The following DPP6 variants were observed in gnomAD, a reference collection of about 807,000 sequenced individuals.
DPP6 encodes the protein dipeptidyl peptidase like 6.
Under a neutral mutation model 122.6 loss-of-function variants are expected in DPP6, and 69 were observed. The ratio of observed to expected loss-of-function variants is 0.56; its 90% CI spans 0.46 to 0.69. The LOEUF is 0.69. Ranked by LOEUF, DPP6 falls within the 30% of genes least tolerant of loss-of-function variation. The pLI is 0.00. For synonymous variants in DPP6, 418 were observed against 433.1 expected (o/e 0.97, Z 0.43); for missense variants, 928 against 1,116.9 (o/e 0.83, Z 2.41).
At chr7:154,073,999 CTATGTATGTATGTATG>C (rs541968723) in intron 1 of DPP6, among the ~76,000 whole-genome samples, 25 of 148,944 alleles carry the variant, frequency 1.7e-4, no homozygotes, top group Middle Eastern at 3.4e-3. Flanking sequence ...AAATATATAT[CTATGTATGTATGTATG>C]TATGTATGTA....
chr7:154,772,571 C>T (rs1796310444), intron 9 of DPP6, among the ~76,000 whole-genome samples: 1 of 152,180 alleles, frequency 6.6e-6, no homozygotes, highest in East Asian at 1.9e-4. Flanking sequence ...AAGCAAGGGG[C>T]TCAGTACTCA....
At chr7:153,841,243 T>TA in the DPP6 span, among the ~76,000 whole-genome samples, 1 of 152,220 alleles carries the variant, frequency 6.6e-6, no homozygotes. Flanking sequence ...TCTCATTGCT[T>TA]ATACACAAAG....
intron 8 of DPP6, among the ~76,000 whole-genome samples, chr7:154,749,897 T>C (rs368777424): frequency 9.9e-4 from 76 of 76,450 alleles, no homozygotes; most frequent in African/African-American, 4.3e-3. Flanking sequence ...GAGCATAGGA[T>C]GGGAAAGAGA....
At chr7:153,967,873 T>G (rs1302568384) in intron 1 of DPP6, among the ~76,000 whole-genome samples, 1 of 151,902 alleles carries the variant, frequency 6.6e-6, no homozygotes, top group East Asian at 1.9e-4. Flanking sequence ...GTGAGTCCTA[T>G]CTGTAAAGGG....
intron 3 of DPP6, 60 bp downstream of exon 3, chr7:154,475,097 A>G (rs762240449): frequency 1.5e-5 from 19 of 1,299,408 alleles, no homozygotes; most frequent in Non-Finnish European, 1.8e-5. Context: ...CCCACTTTCA[A>G]TAGGTTGGGT....
intron 1 of DPP6, among the ~76,000 whole-genome samples, chr7:154,189,289 C>G (rs576864216): frequency 6.6e-6 from 1 of 152,204 alleles, no homozygotes; most frequent in Non-Finnish European, 1.5e-5. Context: ...CTTTCCACAA[C>G]CTAGCTATGT....
At chr7:154,041,180 C>T (rs1799743329) in intron 1 of DPP6, among the ~76,000 whole-genome samples, 1 of 152,122 alleles carries the variant, frequency 6.6e-6, no homozygotes, top group African/African-American at 2.4e-5. Flanking sequence ...AACATGTTCT[C>T]TTCTCTTCAC....
chr7:154,819,185 C>G (rs1799607205), intron 16 of DPP6, among the ~76,000 whole-genome samples: 1 of 152,182 alleles, frequency 6.6e-6, no homozygotes, highest in Admixed American at 6.5e-5. Flanking sequence ...AAGGCCGAGG[C>G]AGACAAATCA....
At chr7:154,035,824 G>C (rs1427636842) in intron 1 of DPP6, among the ~76,000 whole-genome samples, 1 of 152,174 alleles carries the variant, frequency 6.6e-6, no homozygotes, top group Non-Finnish European at 1.5e-5. Flanking sequence ...TTACATAGTA[G>C]TACCGTATAT....
At chr7:154,301,786 CTTTT>C (rs869114137) in intron 1 of DPP6, among the ~76,000 whole-genome samples, 8 of 119,802 alleles carry the variant, frequency 6.7e-5, no homozygotes, top group East Asian at 4.9e-4. Flanking sequence ...GATCTGCCCT[CTTTT>C]TTTTTTTTTT....
chr7:154,397,232 A>C (rs1171339950), intron 1 of DPP6, among the ~76,000 whole-genome samples: 1 of 151,604 alleles, frequency 6.6e-6, no homozygotes, highest in African/African-American at 2.4e-5. Flanking sequence ...GTTTTTTTTC[A>C]TGAGCATTAA....
chr7:153,820,770 A>G, the DPP6 span, among the ~76,000 whole-genome samples: 1 of 151,882 alleles, frequency 6.6e-6, no homozygotes, highest in South Asian at 2.1e-4. Context: ...TCATTAGTAA[A>G]GTGATAATGT....
At chr7:153,876,184 C>G in the DPP6 span, among the ~76,000 whole-genome samples, 3 of 151,748 alleles carry the variant, frequency 2.0e-5, no homozygotes, top group Non-Finnish European at 4.4e-5. Flanking sequence ...GGAAAATAGA[C>G]AAATCTACAA....
chr7:154,312,256 T>A (rs1253463966), intron 1 of DPP6, among the ~76,000 whole-genome samples: 1 of 152,154 alleles, frequency 6.6e-6, no homozygotes, highest in East Asian at 1.9e-4. Context: ...AGTGTTGAAA[T>A]GTGCAGCGAT....
At chr7:154,137,934 T>G (rs189644884) in intron 1 of DPP6, among the ~76,000 whole-genome samples, 3 of 152,290 alleles carry the variant, frequency 2.0e-5, no homozygotes, top group Admixed American at 2.0e-4. Context: ...CTCATAAGAA[T>G]ACACTGATGT....
chr7:154,336,100 CGTCA>C (rs1809393907), intron 1 of DPP6, among the ~76,000 whole-genome samples: 1 of 151,950 alleles, frequency 6.6e-6, no homozygotes, highest in African/African-American at 2.4e-5. Context: ...GAACACAGGG[CGTCA>C]GTCACTTTCC....
intron 1 of DPP6, among the ~76,000 whole-genome samples, chr7:153,986,174 C>G (rs952901360): frequency 9.8e-5 from 15 of 152,294 alleles, no homozygotes; most frequent in African/African-American, 2.9e-4. Context: ...CTTTCCCAGT[C>G]CCCATTGGAA....
At chr7:154,062,967 G>A (rs1489478374) in intron 1 of DPP6, among the ~76,000 whole-genome samples, 2 of 133,418 alleles carry the variant, frequency 1.5e-5, no homozygotes, top group African/African-American at 5.5e-5. Flanking sequence ...TCCGACGGCA[G>A]GTACCTTACG....
At chr7:154,156,041 G>T (rs1796661804) in intron 1 of DPP6, among the ~76,000 whole-genome samples, 1 of 152,246 alleles carries the variant, frequency 6.6e-6, no homozygotes, top group Admixed American at 6.5e-5. Context: ...AGCCATCTGA[G>T]CAGGACCCCT....
Sources: gnomAD v4.1 joint callset for allele counts (sites outside exome capture counted in the v4.1 genomes callset) on GRCh38, gnomAD v4.1.1 for gene constraint, MANE v1.5 for transcripts, NCBI Gene and HGNC (gene_info 2026-07-23, HGNC 2026-07-21) for gene names.